The following DNAH14 variants were observed in gnomAD, a reference collection of about 807,000 sequenced individuals.
DNAH14 encodes the protein dynein axonemal heavy chain 14, also known as axonemal beta dynein heavy chain 14.
Under a neutral mutation model 520.9 loss-of-function variants are expected in DNAH14, and 478 were observed. The ratio of observed to expected loss-of-function variants is 0.92; its 90% CI spans 0.85 to 0.99. The LOEUF is 0.99. Ranked by LOEUF, DNAH14 falls within the 50% of genes least tolerant of loss-of-function variation. The pLI is 0.00. For synonymous variants in DNAH14, 1,581 were observed against 1,757.2 expected, an observed-to-expected ratio of 0.90 and a Z score of 2.51; for missense variants, 4,831 against 5,234.5, an observed-to-expected ratio of 0.92 and a Z score of 2.38.
intron 11 of DNAH14, among the ~76,000 whole-genome samples, chr1:225,025,437 G>T (rs527643603): frequency 6.6e-6 from 1 of 150,644 alleles, no homozygotes. Flanking sequence ...CCCAACAGAG[G>T]TTGAATAAAT....
chr1:225,132,230 G>C (rs1012020075), intron 27 of DNAH14, among the ~76,000 whole-genome samples: 4 of 151,920 alleles, frequency 2.6e-5, no homozygotes, highest in Non-Finnish European at 5.9e-5. Context: ...AAGTTCAGGG[G>C]TACATGTGCA....
chr1:225,349,563 C>CA (rs1183843646), intron 71 of DNAH14, among the ~76,000 whole-genome samples: 1 of 152,060 alleles, frequency 6.6e-6, no homozygotes, highest in Non-Finnish European at 1.5e-5. Flanking sequence ...ACAGGAGACT[C>CA]ACATCTAAAG....
intron 1 of DNAH14, among the ~76,000 whole-genome samples, chr1:224,938,427 G>A (rs117887500): frequency 6.6e-6 from 1 of 150,512 alleles, no homozygotes; most frequent in East Asian, 1.9e-4. Context: ...TGGCCAAAAG[G>A]CATATGAAAA....
rs576237835 is a variant in DNAH14 at position 225,058,095 on chromosome 1, A to G, written c.2424+6300A>G. 7.2e-5 allele frequency among the ~76,000 whole-genome samples: 11 copies of G among 152,306 alleles called. No homozygotes were observed. In the East Asian group the frequency reaches 1.7e-3, roughly 24 times the overall value. On this transcript the variant is annotated intron_variant, in intron 17 of 85. Coordinates refer to ENST00000682510, the MANE Select transcript of DNAH14 (RefSeq NM_001367479.1). ...TTTTTCTGTTGATTGGAATACTTTC[A>G]GAAGGAATGGTACCAGCTCCTCCTT...
At position 225,308,297 on chromosome 1, in the gene DNAH14, C is replaced by G; in HGVS notation, c.9127C>G (p.Leu3043Val). Residue 3043 changes from leucine to valine, a missense_variant, in exon 60 of 86, where the codon CTA (leucine) becomes GTA (valine). Coordinates refer to ENST00000682510, the MANE Select transcript of DNAH14 (RefSeq NM_001367479.1). ...VEQKTKETET[L>V]MEKLRKDSQV... is the part of the protein sequence containing the mutation. ...TGTGCTTCATTAGGAAACAGAAACT[C>G]TAATGGAAAAACTACGGAAAGATTC... 6.5e-7 allele frequency: 1 copy of G among 1,538,696 alleles called. No homozygotes were observed. The highest frequency in any genetic ancestry group is 8.7e-7 in the Non-Finnish European group (1 of 1,143,816).
intron 7 of DNAH14, among the ~76,000 whole-genome samples, chr1:224,970,896 A>G (rs1341644717): frequency 6.6e-6 from 1 of 152,216 alleles, no homozygotes; most frequent in African/African-American, 2.4e-5. Context: ...AGAACCAGGC[A>G]TTATTCTAGA....
chr1:225,222,180 A>G (rs555796931), intron 41 of DNAH14, among the ~76,000 whole-genome samples: 1 of 152,330 alleles, frequency 6.6e-6, no homozygotes, highest in East Asian at 1.9e-4. Context: ...GGAACCCTCA[A>G]AAATGAAGGT....
At chr1:225,291,493 T>C (rs1365627299) in intron 55 of DNAH14, among the ~76,000 whole-genome samples, 1 of 152,148 alleles carries the variant, frequency 6.6e-6, no homozygotes, top group Non-Finnish European at 1.5e-5. Context: ...CATGGCTCAC[T>C]GAAGCCCCGA....
intron 27 of DNAH14, among the ~76,000 whole-genome samples, chr1:225,132,901 T>C (rs2078573959): frequency 6.6e-6 from 1 of 152,192 alleles, no homozygotes; most frequent in Non-Finnish European, 1.5e-5. Context: ...TTTTGACTTT[T>C]TAACAATAGC....
chr1:224,987,209 T>C (rs1386229761), intron 8 of DNAH14, among the ~76,000 whole-genome samples: 1 of 152,008 alleles, frequency 6.6e-6, no homozygotes. Flanking sequence ...GATGGTATAG[T>C]ATAGTTCCCC....
intron 39 of DNAH14, among the ~76,000 whole-genome samples, 181 bp downstream of exon 39, chr1:225,204,454 T>A (rs2087271111): frequency 6.6e-6 from 1 of 152,162 alleles, no homozygotes; most frequent in South Asian, 2.1e-4. Context: ...TATTACAATG[T>A]ATACATATAT....
At position 225,192,786 on chromosome 1, in the gene DNAH14, A is replaced by C. The variant is rs1423194966; in HGVS notation, c.5761A>C (p.Thr1921Pro). ...ACTATATGGACAACTGGATCCTAAT[A>C]CTATGGAATGGACTGATGGATTATT... Reference protein sequence around the residue: ...SELYGQLDPNTMEWTDGLLSA... With the variant: ...SELYGQLDPNPMEWTDGLLSA... Residue 1921 changes from threonine to proline, a missense_variant, in exon 38 of 86, where the codon ACT (threonine) becomes CCT (proline). By Grantham distance (38) the Thr-to-Pro change is conservative. Coordinates refer to ENST00000682510, the MANE Select transcript of DNAH14 (RefSeq NM_001367479.1). 17 of 1,550,134 alleles carry C rather than the reference A, an allele frequency of 1.1e-5. No homozygotes were observed. Among genetic ancestry groups the C allele is most frequent in the Non-Finnish European group, 2.6e-6 (3 of 1,146,030 alleles).
chr1:225,310,852 G>T (rs1195680184), intron 60 of DNAH14, among the ~76,000 whole-genome samples: 1 of 152,120 alleles, frequency 6.6e-6, no homozygotes, highest in Non-Finnish European at 1.5e-5. Flanking sequence ...TATCACTGAT[G>T]GGCATTTGGG....
chr1:225,253,926 C>T (rs967026131), intron 44 of DNAH14, among the ~76,000 whole-genome samples: 2 of 152,200 alleles, frequency 1.3e-5, no homozygotes, highest in African/African-American at 4.8e-5. Flanking sequence ...CTAGGCACTT[C>T]ATCATCCAGC....
Position 225,303,366 on chromosome 1 carries a change from T to C in DNAH14, c.8823+19T>C. The C allele has an allele frequency of 1.3e-6, 2 of 1,540,104 alleles. No homozygotes were observed. The highest frequency in any genetic ancestry group is 1.8e-6 in the Non-Finnish European group (2 of 1,141,692). On this transcript the variant is annotated intron_variant, in intron 57 of 85. Coordinates refer to ENST00000682510, the MANE Select transcript of DNAH14 (RefSeq NM_001367479.1). ...CAGAGAGGTAAATATCTAATGCAAG[T>C]GAAGGTTTCAGTTTATTGACAGCAT...
Position 225,207,235 on chromosome 1 carries a change from C to G in DNAH14, c.6439+15C>G, listed in dbSNP as rs1311806136. 3 of 1,495,454 alleles carry G rather than the reference C, an allele frequency of 2.0e-6. No homozygotes were observed. The highest frequency in any genetic ancestry group is 1.3e-5 in the South Asian group (1 of 75,014). 92.6% of individuals were successfully genotyped at this position (1,495,454 alleles called of 1,614,324 possible). A position where few individuals can be genotyped will look rare whatever the true frequency, so the allele number is the denominator to read the frequency against. ...ATTTGAACAAAGTGAGTTTTTTTCT[C>G]TAAGTCATATCAATGATATATCTTA... On this transcript the variant is annotated intron_variant, in intron 41 of 85. Coordinates refer to ENST00000682510, the MANE Select transcript of DNAH14 (RefSeq NM_001367479.1).
At chr1:225,358,799 C>T in intron 74 of DNAH14, 147 bp downstream of exon 74, 3 of 789,402 alleles carry the variant, frequency 3.8e-6, no homozygotes, top group Non-Finnish European at 3.8e-6. Context: ...GATGGTTCCC[C>T]CCATGCTGTT....
At chr1:225,343,968 G>T (rs1025964883) in intron 69 of DNAH14, among the ~76,000 whole-genome samples, 1 of 152,140 alleles carries the variant, frequency 6.6e-6, no homozygotes, top group African/African-American at 2.4e-5. Flanking sequence ...TTGAACAAAA[G>T]ATGGATTTGA....
chr1:225,038,708 A>G lies in DNAH14; in HGVS notation c.1373A>G (p.Asn458Ser). Residue 458 changes from asparagine to serine, a missense_variant, in exon 12 of 86, where the codon AAC (asparagine) becomes AGC (serine). Transcript: ENST00000682510. ...TCTTAATCCAGAACATTCAAGGACA[A>G]CTCTTTTCCTACTGGAAAGACAACA... ...NENLIRTFKD[N>S]SFPTGKTTND... 1 of 1,531,308 alleles carries G rather than the reference A, an allele frequency of 6.5e-7. No individual in the cohort carries two copies. Among genetic ancestry groups the G allele is most frequent in the Non-Finnish European group, 8.8e-7 (1 of 1,141,196 alleles). The allele number at this position is 1,531,308 out of a possible 1,614,324, so 94.9% of individuals were successfully genotyped here.
Sources: allele counts gnomAD v4.1 joint callset (sites outside exome capture counted in the v4.1 genomes callset), GRCh38; gene constraint gnomAD v4.1.1; transcripts MANE v1.5; gene names NCBI Gene and HGNC (gene_info 2026-07-23, HGNC 2026-07-21).